DPP10: variants seen among roughly 807,000 people sequenced by gnomAD.
DPP10 encodes the protein dipeptidyl peptidase like 10.
Under a neutral mutation model 120.9 loss-of-function variants are expected in DPP10, and 33 were observed. The observed-to-expected ratio is 0.27, with a 90% CI of 0.21 to 0.37. The LOEUF (loss-of-function observed/expected upper bound fraction) is 0.37. DPP10 is among the 10% of genes least tolerant of loss of function. The pLI, the probability that DPP10 is intolerant of heterozygous loss-of-function variation, is 1.00. For synonymous variants in DPP10, 337 were observed against 326.1 expected, an observed-to-expected ratio of 1.03 and a Z score of -0.36; for missense variants, 816 against 942.8, an observed-to-expected ratio of 0.87 and a Z score of 1.76.
At chr2:114,458,469 G>T (rs1049087174) in intron 1 of DPP10, among the ~76,000 whole-genome samples, 2 of 152,056 alleles carry the variant, frequency 1.3e-5, no homozygotes, top group South Asian at 4.1e-4. Context: ...CTTAAAAGCA[G>T]ATGAACTTGA....
chr2:115,443,309 T>A (rs183642470), intron 3 of DPP10, among the ~76,000 whole-genome samples: 68 of 152,280 alleles, frequency 4.5e-4, no homozygotes, highest in African/African-American at 1.3e-3. Context: ...TCTCTGAATG[T>A]GAAAAGCCTA....
intron 1 of DPP10, among the ~76,000 whole-genome samples, chr2:114,690,699 T>G (rs1240667741): frequency 1.3e-5 from 2 of 152,168 alleles, no homozygotes; most frequent in Non-Finnish European, 1.5e-5. Flanking sequence ...ACAGTATTGA[T>G]TCTTCCTATC....
chr2:114,972,952 C>A (rs1192763691), intron 1 of DPP10, among the ~76,000 whole-genome samples: 1 of 152,174 alleles, frequency 6.6e-6, no homozygotes, highest in Non-Finnish European at 1.5e-5. Context: ...TGTCCAGCAT[C>A]CAGAACACAG....
At chr2:115,617,451 A>G (rs1037368656) in intron 5 of DPP10, among the ~76,000 whole-genome samples, 1 of 151,540 alleles carries the variant, frequency 6.6e-6, no homozygotes, top group Non-Finnish European at 1.5e-5. Context: ...TTACTTTCAT[A>G]TTAAATACAT....
At chr2:114,580,596 A>G (rs190113191) in intron 1 of DPP10, among the ~76,000 whole-genome samples, 3 of 152,238 alleles carry the variant, frequency 2.0e-5, no homozygotes, top group South Asian at 4.1e-4. Context: ...TTTAAATTTT[A>G]TCTTAATCCT....
chr2:115,043,857 G>T (rs1704857480), intron 1 of DPP10, among the ~76,000 whole-genome samples: 1 of 152,098 alleles, frequency 6.6e-6, no homozygotes, highest in Non-Finnish European at 1.5e-5. Flanking sequence ...ATTTTAACAG[G>T]TGAAGAGCAG....
intron 1 of DPP10, among the ~76,000 whole-genome samples, chr2:114,993,370 T>A (rs1479429462): frequency 1.3e-5 from 2 of 151,798 alleles, no homozygotes; most frequent in African/African-American, 4.8e-5. Context: ...AATACTTTTT[T>A]TTTTTTCCAC....
At chr2:115,527,256 C>T (rs958752878) in intron 5 of DPP10, among the ~76,000 whole-genome samples, 4 of 151,890 alleles carry the variant, frequency 2.6e-5, no homozygotes, top group African/African-American at 9.7e-5. Context: ...CAAAGGTGCA[C>T]AAGCAATTTA....
intron 1 of DPP10, among the ~76,000 whole-genome samples, chr2:114,695,360 C>CATGTTCCCAAACA (rs1700011159): frequency 6.6e-6 from 1 of 152,020 alleles, no homozygotes; most frequent in Non-Finnish European, 1.5e-5. Flanking sequence ...GAGCGGGGGC[C>CATGTTCCCAAACA]ATTTGCCTGA....
chr2:115,131,518 G>A (rs1270564081), intron 1 of DPP10, among the ~76,000 whole-genome samples: 1 of 151,874 alleles, frequency 6.6e-6, no homozygotes, highest in Non-Finnish European at 1.5e-5. Flanking sequence ...GTCTCAAAAA[G>A]TAACAAGAAG....
In DPP10 at chr2:115,309,262, A is replaced by G; in HGVS notation, c.84A>G (p.Pro28=). ...TIKELGSNSP[P]QRNWKGIAIA... is the part of the protein sequence containing the mutation. Reference sequence around the variant, plus strand: ...AGGAACTGGGAAGTAACAGCCCTCCACAGAGAAACTGGAAGGGAATTGCTA... The same window carrying G: ...AGGAACTGGGAAGTAACAGCCCTCCGCAGAGAAACTGGAAGGGAATTGCTA... The change falls in exon 2 of 26, where the codon CCA becomes CCG. Residue 28 remains proline (P), a synonymous_variant. Transcript: ENST00000410059. The G allele has an allele frequency of 6.2e-7, 1 of 1,613,352 alleles. No individual in the cohort carries two copies. Among genetic ancestry groups the G allele is most frequent in the Non-Finnish European group, 8.5e-7 (1 of 1,179,540 alleles).
chr2:115,211,258 A>G (rs1270293260), intron 1 of DPP10, among the ~76,000 whole-genome samples: 3 of 148,348 alleles, frequency 2.0e-5, no homozygotes, highest in African/African-American at 7.4e-5. Context: ...TTTTGGTCAC[A>G]TATTTTAGAC....
intron 1 of DPP10, among the ~76,000 whole-genome samples, chr2:115,214,068 G>A (rs1407362256): frequency 6.6e-6 from 1 of 152,146 alleles, no homozygotes; most frequent in East Asian, 1.9e-4. Context: ...TGAGAAACAA[G>A]CCTTTCGTGG....
At chr2:114,455,940 C>T (rs558333978) in intron 1 of DPP10, among the ~76,000 whole-genome samples, 1 of 152,216 alleles carries the variant, frequency 6.6e-6, no homozygotes, top group South Asian at 2.1e-4. Context: ...GCTTTGACTC[C>T]TTATGTCATG....
intron 1 of DPP10, among the ~76,000 whole-genome samples, chr2:114,647,006 C>G (rs1368410708): frequency 6.6e-6 from 1 of 152,240 alleles, no homozygotes; most frequent in African/African-American, 2.4e-5. Flanking sequence ...ACAGTTCACA[C>G]AATGGAAGTC....
intron 1 of DPP10, among the ~76,000 whole-genome samples, chr2:115,263,870 A>G (rs2059353187): frequency 6.6e-6 from 1 of 151,678 alleles, no homozygotes; most frequent in African/African-American, 2.4e-5. Context: ...TAGTGCAAAA[A>G]TCACAAAGGG....
chr2:115,071,280 T>A (rs1707345825), intron 1 of DPP10, among the ~76,000 whole-genome samples: 2 of 152,156 alleles, frequency 1.3e-5, no homozygotes, highest in Admixed American at 1.3e-4. Flanking sequence ...TTGCTCTACA[T>A]CCTCCTCCAC....
intron 1 of DPP10, among the ~76,000 whole-genome samples, chr2:115,126,049 T>C (rs1189654426): frequency 1.3e-5 from 2 of 152,326 alleles, no homozygotes; most frequent in African/African-American, 2.4e-5. Context: ...CTTTATCTTA[T>C]ATAATTTTGT....
chr2:115,525,308 A>G (rs1411266395), intron 4 of DPP10, among the ~76,000 whole-genome samples: 1 of 152,072 alleles, frequency 6.6e-6, no homozygotes, highest in Non-Finnish European at 1.5e-5. Flanking sequence ...TCTGTCCTCA[A>G]ATTTGTTCAA....
Sources: allele counts gnomAD v4.1 joint callset (sites outside exome capture counted in the v4.1 genomes callset), GRCh38; gene constraint gnomAD v4.1.1; transcripts MANE v1.5; gene names NCBI Gene and HGNC (gene_info 2026-07-23, HGNC 2026-07-21).